RBFOX1: variants seen among roughly 807,000 people sequenced by gnomAD.
The protein encoded by RBFOX1 is RNA binding protein fox-1 homolog 1.
RBFOX1 carries 8 observed loss-of-function variants against 57.7 expected under a neutral mutation model. That is an observed-to-expected ratio of 0.14 (90% CI 0.08 to 0.25). The LOEUF is 0.25. Ranked by LOEUF, RBFOX1 falls within the 10% of genes least tolerant of loss-of-function variation. RBFOX1 has a pLI of 1.00. For missense variants in RBFOX1, 611 were observed against 548.5 expected, an observed-to-expected ratio of 1.11 and a Z score of -1.14; for synonymous variants, 326 against 222.4, an observed-to-expected ratio of 1.47 and a Z score of -4.15.
chr16:6,043,230 GGGAATAGAT>G (rs2095459691), intron 1 of RBFOX1, among the ~76,000 whole-genome samples: 1 of 150,394 alleles, frequency 6.6e-6, no homozygotes, highest in Non-Finnish European at 1.5e-5. Context: ...AGGCTTCAGA[GGGAATAGAT>G]GGTAGATGTC....
chr16:6,906,763 C>T (rs983086946), intron 3 of RBFOX1, among the ~76,000 whole-genome samples: 3 of 148,018 alleles, frequency 2.0e-5, no homozygotes, highest in Non-Finnish European at 4.4e-5. Flanking sequence ...TGCTCTGTTG[C>T]TGAGGCTGGA....
At chr16:6,783,681 A>G (rs1227107581) in intron 3 of RBFOX1, among the ~76,000 whole-genome samples, 1 of 152,090 alleles carries the variant, frequency 6.6e-6, no homozygotes, top group Non-Finnish European at 1.5e-5. Context: ...GGCTTTACAT[A>G]CAATTATAAT....
intron 4 of RBFOX1, among the ~76,000 whole-genome samples, chr16:7,391,333 T>C (rs1388264450): frequency 1.3e-5 from 2 of 152,064 alleles, no homozygotes; most frequent in Non-Finnish European, 2.9e-5. Context: ...CTCATGGAGG[T>C]AGAGGAAAGA....
At chr16:7,027,451 G>T (rs1405757937) in intron 3 of RBFOX1, among the ~76,000 whole-genome samples, 1 of 152,108 alleles carries the variant, frequency 6.6e-6, no homozygotes, top group Non-Finnish European at 1.5e-5. Flanking sequence ...AATAGGAGAG[G>T]TACAGATTGG....
chr16:5,943,178 C>A (rs930627573), intron 4 of RBFOX1, among the ~76,000 whole-genome samples: 3 of 152,208 alleles, frequency 2.0e-5, no homozygotes, highest in African/African-American at 7.2e-5. Context: ...CAAGCCAGTG[C>A]TTCTAGGTGT....
intron 1 of RBFOX1, among the ~76,000 whole-genome samples, chr16:6,152,318 T>C (rs2096803216): frequency 1.3e-5 from 2 of 152,198 alleles, no homozygotes; most frequent in Admixed American, 6.5e-5. Context: ...TCTTTTCTCC[T>C]GCTCTCTGTC....
intron 5 of RBFOX1, among the ~76,000 whole-genome samples, chr16:7,541,226 C>A (rs555347949): frequency 4.7e-4 from 72 of 152,284 alleles, no homozygotes; most frequent in African/African-American, 1.7e-3. Flanking sequence ...TAAAAATAAG[C>A]CATTCAGCAA....
intron 2 of RBFOX1, chr16:6,483,493 G>A: frequency 2.0e-6 from 3 of 1,535,750 alleles, no homozygotes; most frequent in Non-Finnish European, 8.7e-7. Flanking sequence ...GCACTTTGCA[G>A]CCGACAATGA....
intron 3 of RBFOX1, among the ~76,000 whole-genome samples, chr16:7,011,333 A>G (rs1198522411): frequency 6.6e-6 from 1 of 152,208 alleles, no homozygotes; most frequent in Non-Finnish European, 1.5e-5. Flanking sequence ...ACTGAAGCCC[A>G]GAAAGCTTAA....
intron 2 of RBFOX1, among the ~76,000 whole-genome samples, chr16:6,348,234 C>T (rs886267470): frequency 6.6e-6 from 1 of 152,200 alleles, no homozygotes; most frequent in African/African-American, 2.4e-5. Context: ...CACACTCCAG[C>T]TCCACTGTTT....
At chr16:5,767,866 T>C (rs1478889663) in intron 3 of RBFOX1, among the ~76,000 whole-genome samples, 1 of 152,192 alleles carries the variant, frequency 6.6e-6, no homozygotes, top group East Asian at 1.9e-4. Flanking sequence ...TGAGGATTCC[T>C]ATTTGTATGT....
At chr16:5,973,355 C>T (rs376070532) in intron 4 of RBFOX1, among the ~76,000 whole-genome samples, 2 of 152,222 alleles carry the variant, frequency 1.3e-5, no homozygotes, top group African/African-American at 4.8e-5. Context: ...GACCACTCTT[C>T]ACCAACCTGC....
intron 4 of RBFOX1, among the ~76,000 whole-genome samples, chr16:5,872,417 A>G (rs941326585): frequency 2.0e-5 from 3 of 152,206 alleles, no homozygotes; most frequent in African/African-American, 7.2e-5. Flanking sequence ...GTTTGTTTGA[A>G]CTTTAAATGA....
intron 2 of RBFOX1, among the ~76,000 whole-genome samples, chr16:6,456,013 G>A (rs927495690): frequency 7.2e-6 from 1 of 138,352 alleles, no homozygotes; most frequent in African/African-American, 2.7e-5. Flanking sequence ...TAAGGATTCT[G>A]ATAAAATGCA....
chr16:6,626,283 T>C (rs1223065144), intron 2 of RBFOX1, among the ~76,000 whole-genome samples: 1 of 152,160 alleles, frequency 6.6e-6, no homozygotes, highest in East Asian at 1.9e-4. Flanking sequence ...GTTGGCCATG[T>C]GACTCTTGCA....
At chr16:7,128,318 A>G (rs980654059) in intron 4 of RBFOX1, among the ~76,000 whole-genome samples, 2 of 152,198 alleles carry the variant, frequency 1.3e-5, no homozygotes, top group Non-Finnish European at 2.9e-5. Context: ...CCCCATTTTA[A>G]TATGGTAAAA....
intron 1 of RBFOX1, among the ~76,000 whole-genome samples, chr16:5,392,828 C>G (rs995624888): frequency 1.3e-5 from 2 of 152,148 alleles, no homozygotes; most frequent in Non-Finnish European, 2.9e-5. Flanking sequence ...AGGAGCACCT[C>G]AGGGACCACA....
In RBFOX1 at chr16:5,567,269, C is replaced by T. The variant is rs114528488; in HGVS notation, c.259-31633C>T. On this transcript the variant is annotated intron_variant, in intron 2 of 2. Transcript: ENST00000585867. ...GGATATCCCATGTGGACACGTGCAG[C>T]TCAGGACTGCGTCACTTTGCAGTGG... 1.9e-3 allele frequency among the ~76,000 whole-genome samples: 296 copies of T among 152,298 alleles called. 4 individuals carry two copies. Among genetic ancestry groups the T allele is most frequent in the African/African-American group, 6.0e-3 (250 of 41,558 alleles).
At chr16:7,010,329 A>C (rs934524920) in intron 3 of RBFOX1, among the ~76,000 whole-genome samples, 3 of 152,234 alleles carry the variant, frequency 2.0e-5, no homozygotes, top group African/African-American at 7.2e-5. Context: ...TTACATTGTG[A>C]GCATCAAACC....
Sources: gnomAD v4.1 joint callset for allele counts (sites outside exome capture counted in the v4.1 genomes callset) on GRCh38, gnomAD v4.1.1 for gene constraint, MANE v1.5 for transcripts, NCBI Gene and HGNC (gene_info 2026-07-23, HGNC 2026-07-21) for gene names.